Variants in CSMD3 observed in about 807,000 individuals in gnomAD.
CSMD3 encodes the protein CUB and sushi domain-containing protein 3.
CSMD3 carries 177 observed loss-of-function variants against 435.2 expected under a neutral mutation model. The ratio of observed to expected loss-of-function variants is 0.41; its 90% CI spans 0.36 to 0.46. The LOEUF is 0.46. Ranked by LOEUF, CSMD3 falls within the 20% of genes least tolerant of loss-of-function variation. The pLI is 0.34. For missense variants in CSMD3, 4,265 were observed against 4,504.6 expected (o/e 0.95, Z 1.52); for synonymous variants, 1,656 against 1,520.5 (o/e 1.09, Z -2.07).
intron 10 of CSMD3, among the ~76,000 whole-genome samples, chr8:112,919,235 A>G (rs2130606348): frequency 6.6e-6 from 1 of 151,946 alleles, no homozygotes; most frequent in Admixed American, 6.6e-5. Flanking sequence ...TACATATGTT[A>G]TATATATAAC....
chr8:113,225,227 T>C lies in CSMD3; in HGVS notation c.515-51311A>G, dbSNP rs549405818. ...AAAGCAGAGGAGTGACTAATTCCAT[T>C]GAAGTATCATTTTGGTGCATTAATG... On this transcript the variant is annotated intron_variant, in intron 3 of 70. Coordinates refer to ENST00000297405, the MANE Select transcript of CSMD3 (RefSeq NM_198123.2). 9.2e-5 allele frequency among the ~76,000 whole-genome samples: 14 copies of C among 151,580 alleles called. No homozygotes were observed. The South Asian group carries it at 2.9e-3, about 31-fold the overall frequency.
intron 69 of CSMD3, 41 bp from the exon 70 acceptor site, chr8:112,228,932 A>C (rs761153917): frequency 2.3e-5 from 25 of 1,065,512 alleles, no homozygotes; most frequent in Middle Eastern, 5.5e-4. Flanking sequence ...CAACTCTTTT[A>C]TCATAATTAA....
At chr8:112,480,839 T>C (rs1043254224) in intron 31 of CSMD3, among the ~76,000 whole-genome samples, 4 of 152,204 alleles carry the variant, frequency 2.6e-5, no homozygotes, top group Admixed American at 2.6e-4. Flanking sequence ...CAAATACACA[T>C]GCTAATATCT....
intron 22 of CSMD3, among the ~76,000 whole-genome samples, chr8:112,611,214 T>C (rs374043554): frequency 6.6e-6 from 1 of 152,144 alleles, no homozygotes; most frequent in Non-Finnish European, 1.5e-5. Context: ...TGACTTTACA[T>C]CTGTGAATAC....
chr8:112,419,976 A>G (rs2130258871), intron 32 of CSMD3, among the ~76,000 whole-genome samples: 1 of 152,310 alleles, frequency 6.6e-6, no homozygotes, highest in East Asian at 1.9e-4. Flanking sequence ...ATATGTTATT[A>G]GCACTTTTGT....
At chr8:112,380,534 G>T (rs1829377101) in intron 37 of CSMD3, 78 bp from the exon 38 acceptor site, 2 of 799,274 alleles carry the variant, frequency 2.5e-6, no homozygotes, top group African/African-American at 3.4e-5. Flanking sequence ...TTACTAATCA[G>T]CCAATAGAAT....
chr8:112,363,497 G>C (rs1373675918), intron 38 of CSMD3, among the ~76,000 whole-genome samples: 3 of 151,886 alleles, frequency 2.0e-5, no homozygotes, highest in Non-Finnish European at 4.4e-5. Flanking sequence ...GACTCAACAT[G>C]AGAGGCTTCT....
chr8:112,277,720 A>C (rs1441861780), intron 59 of CSMD3, among the ~76,000 whole-genome samples: 1 of 152,156 alleles, frequency 6.6e-6, no homozygotes, highest in African/African-American at 2.4e-5. Context: ...CACAGTTCCA[A>C]GTGGCTGGGG....
chr8:112,491,799 C>G (rs1820726895), intron 31 of CSMD3, among the ~76,000 whole-genome samples: 1 of 151,988 alleles, frequency 6.6e-6, no homozygotes, highest in Non-Finnish European at 1.5e-5. Flanking sequence ...TTTTATGATT[C>G]ACTGTTGGTG....
intron 38 of CSMD3, among the ~76,000 whole-genome samples, chr8:112,373,464 C>A (rs1202006557): frequency 6.6e-6 from 1 of 150,678 alleles, no homozygotes; most frequent in Admixed American, 6.6e-5. Context: ...TTCCCAGTAC[C>A]CAGTTGTTTA....
chr8:112,807,126 G>T (rs1290820426), intron 12 of CSMD3, among the ~76,000 whole-genome samples: 1 of 152,182 alleles, frequency 6.6e-6, no homozygotes, highest in Non-Finnish European at 1.5e-5. Flanking sequence ...CAATTCCCAT[G>T]AGTTACCTAG....
chr8:112,801,321 T>C (rs1312626203), intron 12 of CSMD3, among the ~76,000 whole-genome samples: 10 of 152,000 alleles, frequency 6.6e-5, no homozygotes, highest in Non-Finnish European at 1.5e-5. Context: ...TGGAAGTGAC[T>C]ATGGCAGCAA....
rs573371626 is a variant in CSMD3, at chr8:113,054,476, A to G, written c.918-35297T>C. ...TCATATTTCTACCAGGAAATCTACC[A>G]TCCACTCTTATATGTATCTTTATTA... On this transcript the variant is annotated intron_variant, in intron 5 of 70. Transcript: ENST00000297405. 3.3e-5 allele frequency among the ~76,000 whole-genome samples: 5 copies of G among 152,268 alleles called. No homozygotes were observed. The South Asian group carries it at 1.0e-3, about 32-fold the overall frequency.
At chr8:112,443,604 T>C (rs1262904638) in intron 32 of CSMD3, among the ~76,000 whole-genome samples, 4 of 152,110 alleles carry the variant, frequency 2.6e-5, no homozygotes, top group South Asian at 2.1e-4. Flanking sequence ...TTTTTTTGGT[T>C]CATTTGTTTA....
At chr8:112,870,274 T>A (rs2081095434) in intron 10 of CSMD3, among the ~76,000 whole-genome samples, 2 of 147,342 alleles carry the variant, frequency 1.4e-5, no homozygotes, top group Admixed American at 6.8e-5. Context: ...GAATGGCTAT[T>A]TTTTTTTTTT....
chr8:112,601,694 A>G (rs991165293), intron 22 of CSMD3, among the ~76,000 whole-genome samples: 10 of 152,150 alleles, frequency 6.6e-5, no homozygotes, highest in African/African-American at 1.9e-4. Flanking sequence ...GATTCAGGGG[A>G]AAGAAGGCAA....
chr8:113,254,278 A>C lies in CSMD3; in HGVS notation c.514+24314T>G, dbSNP rs1296243766. Among the ~76,000 whole-genome samples the C allele has an allele frequency of 2.0e-5, 3 of 152,224 alleles. No homozygotes were observed. In the South Asian group the frequency reaches 6.2e-4, roughly 31 times the overall value. On this transcript the variant is annotated intron_variant, in intron 3 of 70. Coordinates refer to ENST00000297405, the MANE Select transcript of CSMD3 (RefSeq NM_198123.2). ...AATCATTTCTTTGTTAACAGAAAGC[A>C]GCCTAAAAAATTGAGCTACAGATAC...
At chr8:113,208,886 A>C (rs2092801251) in intron 3 of CSMD3, among the ~76,000 whole-genome samples, 1 of 152,172 alleles carries the variant, frequency 6.6e-6, no homozygotes, top group African/African-American at 2.4e-5. Flanking sequence ...AAATAAATGT[A>C]GATATTGAAA....
intron 65 of CSMD3, 69 bp from the exon 66 acceptor site, chr8:112,241,854 A>ACACACACACACACACC (rs1554613961): frequency 1.4e-6 from 1 of 689,736 alleles, no homozygotes; most frequent in African/African-American, 1.8e-5. Context: ...GCACACACAC[A>ACACACACACACACACC]CACGCACACA....
Sources: gnomAD v4.1 joint callset for allele counts (sites outside exome capture counted in the v4.1 genomes callset) on GRCh38, gnomAD v4.1.1 for gene constraint, MANE v1.5 for transcripts, NCBI Gene and HGNC (gene_info 2026-07-23, HGNC 2026-07-21) for gene names.